TSHZ3: variants seen among roughly 807,000 people sequenced by gnomAD.
TSHZ3 encodes the protein teashirt homolog 3.
A neutral mutation model predicts 64.5 loss-of-function variants in TSHZ3; 10 were observed. The ratio of observed to expected loss-of-function variants is 0.16; its 90% CI spans 0.10 to 0.26. The LOEUF is 0.26. Ranked by LOEUF, TSHZ3 falls within the 10% of genes least tolerant of loss-of-function variation. The pLI is 1.00. For missense variants in TSHZ3, 1,242 were observed against 1,421.7 expected (o/e 0.87, Z 2.03); for synonymous variants, 608 against 593.1 (o/e 1.03, Z -0.36).
At chr19:31,288,252 G>T (rs575448188) in intron 1 of TSHZ3, among the ~76,000 whole-genome samples, 6 of 152,186 alleles carry the variant, frequency 3.9e-5, no homozygotes, top group African/African-American at 1.2e-4. Context: ...ATGCACACCA[G>T]TCTCTGCAGA....
Position 31,277,691 on chromosome 19 carries a change from C to G in TSHZ3, c.2102G>C (p.Ser701Thr). 6.5e-7 allele frequency: 1 copy of G among 1,528,104 alleles called. No homozygotes were observed. The highest frequency in any genetic ancestry group is 8.8e-7 in the Non-Finnish European group (1 of 1,139,730). 94.7% of individuals were successfully genotyped at this position (1,528,104 alleles called of 1,614,324 possible). A position where few individuals can be genotyped will look rare whatever the true frequency, so the allele number is the denominator to read the frequency against. Residue 701 changes from serine (S) to threonine (T), a missense_variant, in exon 2 of 2, where the codon AGT (serine) becomes ACT (threonine). Around this residue, in one of 4 missense-constraint regions of TSHZ3, gnomAD observed 550 missense variants for 545.1 expected, o/e 1.01. Coordinates refer to ENST00000240587, the MANE Select transcript of TSHZ3 (RefSeq NM_020856.4). The surrounding 1 kb of genome is among the most constrained non-coding windows in gnomAD (Gnocchi z 4.5). ...GKELVKPLAS[S>T]LSGSTAIITD... Reference sequence around the variant, plus strand: ...GATGATGGCCGTGCTGCCACTCAAACTGCTGGCTAGGGGCTTCACCAGCTC... The same window carrying G: ...GATGATGGCCGTGCTGCCACTCAAAGTGCTGGCTAGGGGCTTCACCAGCTC...
chr19:31,263,633 G>T (rs1976012987), intron 1 of TSHZ3, among the ~76,000 whole-genome samples: 1 of 152,098 alleles, frequency 6.6e-6, no homozygotes, highest in South Asian at 2.1e-4. Flanking sequence ...GCCAAGAGAG[G>T]GGGGACAGTG....
chr19:31,258,955 G>A (rs1035070855), intron 1 of TSHZ3, among the ~76,000 whole-genome samples: 2 of 152,164 alleles, frequency 1.3e-5, no homozygotes, highest in African/African-American at 4.8e-5. Context: ...TCCATGCCCC[G>A]GCCCGCCTTC....
intron 1 of TSHZ3, among the ~76,000 whole-genome samples, chr19:31,340,338 CAA>C (rs1160334453): frequency 1.2e-3 from 38 of 32,742 alleles, no homozygotes; most frequent in African/African-American, 3.4e-3. Context: ...GCCTACAGTA[CAA>C]AAAAAAAAAA....
intron 4 of TSHZ3, among the ~76,000 whole-genome samples, chr19:31,212,901 A>G (rs528174916): frequency 6.6e-6 from 1 of 152,342 alleles, no homozygotes; most frequent in Non-Finnish European, 1.5e-5. Context: ...CCCAGACAAC[A>G]GAATATTATT....
At chr19:31,241,862 C>T (rs922603059) in intron 3 of TSHZ3, among the ~76,000 whole-genome samples, 1 of 152,188 alleles carries the variant, frequency 6.6e-6, no homozygotes, top group Non-Finnish European at 1.5e-5. Context: ...TACGTTGTGT[C>T]TAGTTTTATA....
intron 1 of TSHZ3, chr19:31,308,826 C>T (rs148739454): frequency 2.5e-6 from 1 of 395,502 alleles, no homozygotes; most frequent in Non-Finnish European, 4.4e-6. Flanking sequence ...AGATGGGCTT[C>T]ATTTGAAATG....
At chr19:31,223,304 A>G (rs1975414899) in intron 4 of TSHZ3, among the ~76,000 whole-genome samples, 1 of 151,950 alleles carries the variant, frequency 6.6e-6, no homozygotes. Flanking sequence ...GTGGGGCCTC[A>G]TGTGTATACC....
chr19:31,164,485 T>C (rs1974416330), intron 5 of TSHZ3, among the ~76,000 whole-genome samples: 2 of 152,206 alleles, frequency 1.3e-5, no homozygotes, highest in Admixed American at 6.5e-5. Flanking sequence ...AGCACAGTGC[T>C]TGGCACAGAG....
At chr19:31,207,308 T>C (rs1049044120) in intron 4 of TSHZ3, among the ~76,000 whole-genome samples, 28 of 152,364 alleles carry the variant, frequency 1.8e-4, no homozygotes, top group African/African-American at 6.0e-4. Flanking sequence ...CCATTTCCAA[T>C]TGTTTCCCTT....
chr19:31,256,355 G>A (rs141506939), intron 1 of TSHZ3, among the ~76,000 whole-genome samples: 41 of 152,182 alleles, frequency 2.7e-4, no homozygotes, highest in Admixed American at 2.1e-3. Flanking sequence ...CTCTCTCTGC[G>A]GGGGTCCTTT....
chr19:31,300,767 T>G (rs1230043949), intron 1 of TSHZ3, among the ~76,000 whole-genome samples: 1 of 151,906 alleles, frequency 6.6e-6, no homozygotes, highest in Non-Finnish European at 1.5e-5. Flanking sequence ...CGGTAGGAAG[T>G]CACAGCCCCA....
At chr19:31,293,030 AATCCATCC>A (rs1042589257) in intron 1 of TSHZ3, among the ~76,000 whole-genome samples, 2 of 121,040 alleles carry the variant, frequency 1.7e-5, no homozygotes, top group African/African-American at 3.1e-5. Flanking sequence ...TCCATCCAAA[AATCCATCC>A]ATCCATCCAT....
chr19:31,199,078 G>A (rs1975034193), intron 5 of TSHZ3, among the ~76,000 whole-genome samples: 3 of 152,022 alleles, frequency 2.0e-5, no homozygotes, highest in African/African-American at 4.8e-5. Context: ...CAAGGCAGTG[G>A]AACAGAATAA....
Position 31,277,999 on chromosome 19 carries a change from C to A in TSHZ3, c.1794G>T (p.Gln598His). The A allele has an allele frequency of 6.2e-7, 1 of 1,614,116 alleles. No individual in the cohort carries two copies. Among genetic ancestry groups the A allele is most frequent in the Non-Finnish European group, 8.5e-7 (1 of 1,179,974 alleles). The change falls in exon 2 of 2, where the codon CAG becomes CAT. Residue 598 changes from glutamine (Q) to histidine (H), a missense_variant. Gln to His is a conservative substitution (Grantham distance 24). This residue lies in a region of TSHZ3 where 550 missense variants were observed against 545.1 expected (regional missense o/e 1.01). Coordinates refer to ENST00000240587, the MANE Select transcript of TSHZ3 (RefSeq NM_020856.4). This position sits in a 1 kb window ranked among gnomAD's most constrained non-coding sequence, Gnocchi z 4.5. ...AGTTTGTCTTGGGCATGGGGGACGT[C>A]TGGCTGCTGGGTGGAGAGACCAGGG... ...NQTLVSPPSS[Q>H]TSPMPKTNFH...
intron 5 of TSHZ3, among the ~76,000 whole-genome samples, chr19:31,175,050 G>A (rs1974588421): frequency 6.6e-6 from 1 of 152,192 alleles, no homozygotes; most frequent in African/African-American, 2.4e-5. Flanking sequence ...CTGGAAAAGT[G>A]AGGAGTGGAA....
At position 31,152,375 on chromosome 19, in the gene TSHZ3, G is replaced by A. The variant is rs551985013; in HGVS notation, n.872-631C>T. ...CCCAGAAAGCTCGTTTTTCCTTTTC[G>A]CTGACTATTCAGAGTTGGAGATGCT... is the stretch of plus-strand genomic sequence containing the variant. On this transcript the variant is annotated intron_variant and non_coding_transcript_variant, in intron 6 of 6. Transcript: ENST00000651361. Among the ~76,000 whole-genome samples the A allele has an allele frequency of 1.4e-4, 21 of 151,918 alleles. 1 individual carries two copies. The South Asian group carries it at 3.7e-3, about 27-fold the overall frequency.
At chr19:31,230,065 T>C (rs2145175011) in intron 3 of TSHZ3, among the ~76,000 whole-genome samples, 1 of 152,266 alleles carries the variant, frequency 6.6e-6, no homozygotes, top group South Asian at 2.1e-4. Context: ...CAGAAAATAA[T>C]CATAAATAAC....
chr19:31,183,470 C>T (rs977949863), intron 5 of TSHZ3, among the ~76,000 whole-genome samples: 1 of 152,106 alleles, frequency 6.6e-6, no homozygotes, highest in Non-Finnish European at 1.5e-5. Context: ...GAAACACTAG[C>T]CAGACATGGC....
Sources: gnomAD v4.1 joint callset for allele counts (sites outside exome capture counted in the v4.1 genomes callset) on GRCh38, gnomAD v4.1.1 for gene constraint, gnomAD v4.1.1 regional missense constraint, Gnocchi (gnomAD v3.1) non-coding constraint, MANE v1.5 for transcripts, NCBI Gene and HGNC (gene_info 2026-07-23, HGNC 2026-07-21) for gene names.